PPP2R3A: variants seen among roughly 807,000 people sequenced by gnomAD.
The protein encoded by PPP2R3A is protein phosphatase 2 regulatory subunit B''alpha, also known as serine/threonine-protein phosphatase 2A regulatory subunit B'' subunit alpha.
Under a neutral mutation model 106.9 loss-of-function variants are expected in PPP2R3A, and 80 were observed. The ratio of observed to expected loss-of-function variants is 0.75; its 90% CI spans 0.62 to 0.90. PPP2R3A has a LOEUF of 0.90. Among genes scored for constraint, PPP2R3A ranks in the 40% least tolerant of loss-of-function variants. The pLI is 0.00. For missense variants in PPP2R3A, 1,386 were observed against 1,350.4 expected (o/e 1.03, Z -0.41); for synonymous variants, 483 against 468.3 (o/e 1.03, Z -0.41).
intron 2 of PPP2R3A, among the ~76,000 whole-genome samples, chr3:136,021,214 C>T (rs954038504): frequency 1.3e-5 from 2 of 151,646 alleles, no homozygotes; most frequent in African/African-American, 2.4e-5. Flanking sequence ...GTATTCTAGT[C>T]GGGAGTGTAA....
chr3:136,094,298 T>G (rs1937167389), intron 10 of PPP2R3A, among the ~76,000 whole-genome samples: 1 of 152,200 alleles, frequency 6.6e-6, no homozygotes, highest in Non-Finnish European at 1.5e-5. Context: ...TTAATTGTAG[T>G]GATGGTTATA....
intron 2 of PPP2R3A, among the ~76,000 whole-genome samples, chr3:136,005,961 A>T (rs1449174649): frequency 6.6e-6 from 1 of 152,180 alleles, no homozygotes; most frequent in African/African-American, 2.4e-5. Flanking sequence ...CTTCTGTGAC[A>T]AAAAGGAGAC....
chr3:136,105,820 C>T (rs1288915207), intron 12 of PPP2R3A, among the ~76,000 whole-genome samples: 1 of 151,878 alleles, frequency 6.6e-6, no homozygotes, highest in Non-Finnish European at 1.5e-5. Flanking sequence ...ATTAGCTGGA[C>T]GTGGTGGTAC....
At chr3:136,137,533 G>GTTTTTTTTT (rs1559941176) in intron 13 of PPP2R3A, among the ~76,000 whole-genome samples, 1 of 38,442 alleles carries the variant, frequency 2.6e-5, no homozygotes, top group African/African-American at 7.5e-5. Context: ...CTCTGTCAGA[G>GTTTTTTTTT]ATTTTTTTTT....
In PPP2R3A at chr3:136,003,474, A is replaced by C; in HGVS notation, c.1976A>C (p.Gln659Pro). Residue 659 changes from glutamine to proline, a missense_variant, in exon 2 of 14, where the codon CAG becomes CCG. Physicochemically the swap from Gln to Pro is moderately conservative, Grantham distance 76. Transcript: ENST00000264977. ...ACTACTTCAGCAGTTTTGATTCAGC[A>C]GACTCCAGAGGTGATCAAGGTAAGA... is the stretch of plus-strand genomic sequence containing the variant. The part of the protein sequence containing the change: ...KDTTSAVLIQ[Q>P]TPEVIKIQNK... 6.2e-7 allele frequency: 1 copy of C among 1,611,448 alleles called. No individual in the cohort carries two copies. Among genetic ancestry groups the C allele is most frequent in the Non-Finnish European group, 8.5e-7 (1 of 1,178,816 alleles).
At chr3:136,121,381 T>C (rs774522109) in intron 13 of PPP2R3A, among the ~76,000 whole-genome samples, 42 of 152,082 alleles carry the variant, frequency 2.8e-4, no homozygotes, top group Non-Finnish European at 4.7e-4. Context: ...GAGCTAAACA[T>C]TGAATACACA....
At chr3:136,070,073 G>A (rs1369350229) in intron 5 of PPP2R3A, among the ~76,000 whole-genome samples, 1 of 152,050 alleles carries the variant, frequency 6.6e-6, no homozygotes, top group Non-Finnish European at 1.5e-5. Context: ...TTTAGATTAT[G>A]AAAGAGGATC....
chr3:136,104,029 T>C (rs891398589), intron 12 of PPP2R3A, among the ~76,000 whole-genome samples: 11 of 152,218 alleles, frequency 7.2e-5, no homozygotes, highest in Non-Finnish European at 1.0e-4. Flanking sequence ...GTAAAAATTA[T>C]GTTAAGAACA....
At chr3:136,086,502 A>G (rs758095865) in intron 8 of PPP2R3A, among the ~76,000 whole-genome samples, 7 of 152,152 alleles carry the variant, frequency 4.6e-5, no homozygotes, top group Admixed American at 2.0e-4. Flanking sequence ...ATAATTATCC[A>G]CTCACCAGAC....
chr3:136,120,407 G>C (rs1576326085), intron 13 of PPP2R3A, among the ~76,000 whole-genome samples: 1 of 152,096 alleles, frequency 6.6e-6, no homozygotes. Flanking sequence ...GAACAACATG[G>C]TGAAACCTCA....
At chr3:136,049,018 G>A (rs1184642882) in intron 4 of PPP2R3A, among the ~76,000 whole-genome samples, 3 of 152,074 alleles carry the variant, frequency 2.0e-5, no homozygotes, top group Non-Finnish European at 2.9e-5. Context: ...TTACCATCAA[G>A]GTCAAGGCCT....
At chr3:135,982,789 A>T (rs1045989890) in intron 1 of PPP2R3A, among the ~76,000 whole-genome samples, 1 of 152,138 alleles carries the variant, frequency 6.6e-6, no homozygotes, top group Non-Finnish European at 1.5e-5. Flanking sequence ...CAACACATGC[A>T]TACACACACA....
chr3:135,967,616 A>T (rs1381033256), intron 1 of PPP2R3A, among the ~76,000 whole-genome samples: 8 of 151,868 alleles, frequency 5.3e-5, no homozygotes, highest in African/African-American at 1.2e-4. Context: ...CTCTTCAGAG[A>T]CTCCTCCTTG....
chr3:136,106,250 G>A lies in PPP2R3A; in HGVS notation c.3257G>A (p.Trp1086Ter). 1 of 1,610,908 alleles carries A rather than the reference G, an allele frequency of 6.2e-7. No homozygotes were observed. Among genetic ancestry groups the A allele is most frequent in the African/African-American group, 1.3e-5 (1 of 74,768 alleles). The part of the protein sequence containing the change: ...VENDGPEPSD[W>*]DRFAAEEYET... ...AACGATGGGCCTGAGCCCTCAGACT[G>A]GGACCGGTTTGCCGCTGAGGAGTAT... The change falls in exon 13 of 14, where the codon TGG (tryptophan) becomes TAG (stop). Residue 1086 changes from tryptophan (W) to a stop codon, truncating the protein, a stop_gained. Coordinates refer to ENST00000264977, the MANE Select transcript of PPP2R3A (RefSeq NM_002718.5). LOFTEE classifies it high-confidence loss of function.
intron 5 of PPP2R3A, among the ~76,000 whole-genome samples, chr3:136,058,701 C>A (rs552483516): frequency 1.3e-3 from 201 of 152,234 alleles, no homozygotes; most frequent in African/African-American, 4.6e-3. Flanking sequence ...ATAGCCAAGG[C>A]AATCCTAAGC....
chr3:136,131,744 A>C (rs1378806003), intron 13 of PPP2R3A, among the ~76,000 whole-genome samples: 1 of 152,220 alleles, frequency 6.6e-6, no homozygotes, highest in Non-Finnish European at 1.5e-5. Context: ...TTGCAATAGC[A>C]AAGACTTGGA....
In PPP2R3A at chr3:136,002,584, G is replaced by A. The variant is rs766113146; in HGVS notation, c.1086G>A (p.Lys362=). ...ELQNDKPNSR[K]MDTVQSIPNN... ...AAAATGACAAGCCTAATTCTAGGAA[G>A]ATGGACACTGTACAATCCATTCCAA... The change falls in exon 2 of 14, where the codon AAG becomes AAA. Residue 362 remains lysine (K), a synonymous_variant. Transcript: ENST00000264977. The A allele has an allele frequency of 6.2e-7, 1 of 1,613,934 alleles. No individual in the cohort carries two copies. The highest frequency in any genetic ancestry group is 1.1e-5 in the South Asian group (1 of 91,060).
At chr3:135,990,417 TACCTCTTA>T (rs1933110873) in intron 1 of PPP2R3A, among the ~76,000 whole-genome samples, 1 of 152,168 alleles carries the variant, frequency 6.6e-6, no homozygotes, top group Non-Finnish European at 1.5e-5. Context: ...GCTCAATAAA[TACCTCTTA>T]AATGAATTGG....
intron 13 of PPP2R3A, among the ~76,000 whole-genome samples, chr3:136,108,212 G>GACACACACACACACACACACAC (rs375655120): frequency 0.013 from 2,037 of 151,436 alleles, 48 homozygotes; most frequent in African/African-American, 0.044. Context: ...GCTAGACCCT[G>GACACACACACACACACACACAC]ACACACACAC....
Sources: gnomAD v4.1 joint callset for allele counts (sites outside exome capture counted in the v4.1 genomes callset) on GRCh38, gnomAD v4.1.1 for gene constraint, MANE v1.5 for transcripts, NCBI Gene and HGNC (gene_info 2026-07-23, HGNC 2026-07-21) for gene names.